Variants in HDAC4 observed in about 807,000 individuals in gnomAD.
HDAC4 encodes the protein histone deacetylase A.
In HDAC4, 16 loss-of-function variants were observed where a neutral mutation model predicts 135.1. The observed-to-expected ratio is 0.12, with a 90% CI of 0.08 to 0.18. The LOEUF is 0.18. Among genes scored for constraint, HDAC4 ranks in the 10% least tolerant of loss-of-function variants. The probability of loss-of-function intolerance (pLI) is 1.00; values close to 1 mark genes in which losing one functional copy is unlikely to be tolerated. For synonymous variants in HDAC4, 685 were observed against 653.4 expected, an observed-to-expected ratio of 1.05 and a Z score of -0.74; for missense variants, 1,143 against 1,511.8, an observed-to-expected ratio of 0.76 and a Z score of 4.05.
intron 7 of HDAC4, among the ~76,000 whole-genome samples, chr2:239,150,256 C>CAGATACACACACAGAAACAT (rs1042273071): frequency 6.6e-6 from 1 of 151,850 alleles, no homozygotes; most frequent in Non-Finnish European, 1.5e-5. Flanking sequence ...CACAGACATA[C>CAGATACACACACAGAAACAT]AGATACACAC....
In HDAC4 at chr2:239,052,863, CGCCGGCGTCTGTCCCGTGTT is replaced by C. The variant is rs1188028572; in HGVS notation, c.*214_*233del. 1.7e-6 allele frequency: 1 copy of C among 580,152 alleles called. No homozygotes were observed. Among genetic ancestry groups the C allele is most frequent in the African/African-American group, 1.9e-5 (1 of 53,478 alleles). The allele number at this position is 580,152 out of a possible 1,614,324, so 35.9% of individuals were successfully genotyped here. ...TCCGCGTGTCCGTGTGTCTGCGCGT[CGCCGGCGTCTGTCCCGTGTT>C]CCCTGTGAGGCTGCCACGCCCAGGC... On this transcript the variant is annotated 3_prime_UTR_variant, in exon 27 of 27. Coordinates refer to ENST00000543185, the MANE Select transcript of HDAC4 (RefSeq NM_001378414.1).
chr2:239,116,140 T>A (rs1476134733), intron 12 of HDAC4, among the ~76,000 whole-genome samples: 1 of 152,164 alleles, frequency 6.6e-6, no homozygotes, highest in Non-Finnish European at 1.5e-5. Context: ...TGCTCCTCCG[T>A]CTTGGTTTGT....
intron 2 of HDAC4, among the ~76,000 whole-genome samples, chr2:239,302,613 C>T (rs2052335377): frequency 6.6e-6 from 1 of 152,244 alleles, no homozygotes; most frequent in Admixed American, 6.5e-5. Flanking sequence ...GCAGCCCAGC[C>T]ATCCAGTGAC....
At chr2:239,089,725 GA>G (rs1243553576) in intron 18 of HDAC4, 4 of 424,200 alleles carry the variant, frequency 9.4e-6, no homozygotes, top group African/African-American at 8.3e-5. Context: ...AAGCTCTTTG[GA>G]GCTTTTTTTT....
At chr2:239,076,578 G>A (rs922357753) in intron 22 of HDAC4, among the ~76,000 whole-genome samples, 1 of 152,188 alleles carries the variant, frequency 6.6e-6, no homozygotes, top group African/African-American at 2.4e-5. Context: ...GGGCCAAGAG[G>A]CTGCAGTCCT....
intron 16 of HDAC4, among the ~76,000 whole-genome samples, chr2:239,097,950 G>T (rs2037266376): frequency 6.6e-6 from 1 of 152,194 alleles, no homozygotes; most frequent in South Asian, 2.1e-4. Context: ...AGAAACTAGG[G>T]AGCTCGTTTT....
intron 2 of HDAC4, among the ~76,000 whole-genome samples, chr2:239,252,768 CAG>C (rs1272060978): frequency 6.6e-6 from 1 of 152,216 alleles, no homozygotes; most frequent in Non-Finnish European, 1.5e-5. Flanking sequence ...GCTCTAAGAA[CAG>C]AGTTATCCAA....
At chr2:239,290,241 T>G (rs917774529) in intron 2 of HDAC4, among the ~76,000 whole-genome samples, 2 of 152,214 alleles carry the variant, frequency 1.3e-5, no homozygotes, top group African/African-American at 4.8e-5. Flanking sequence ...ACTTTACTCT[T>G]ACCTAGTTCC....
chr2:239,176,294 CCTCCCTCTGCCCGGCCTTCTGCGCCCG>C, intron 5 of HDAC4, 92 bp downstream of exon 5: 6 of 1,252,780 alleles, frequency 4.8e-6, no homozygotes, highest in South Asian at 1.3e-5. Flanking sequence ...GCCCGGCCTC[CCTCCCTCTGCCCGGCCTTCTGCGCCCG>C]CACTCCCTCC....
chr2:239,083,506 T>G (rs2035559165), intron 20 of HDAC4, among the ~76,000 whole-genome samples: 1 of 152,234 alleles, frequency 6.6e-6, no homozygotes, highest in African/African-American at 2.4e-5. Context: ...CCTGCTTTTT[T>G]CCCTTAAAAA....
At chr2:239,344,298 T>G (rs956040141) in intron 2 of HDAC4, among the ~76,000 whole-genome samples, 18 of 152,192 alleles carry the variant, frequency 1.2e-4, no homozygotes, top group African/African-American at 3.6e-4. Flanking sequence ...AGTTCATTCT[T>G]AAATTTCAAT....
chr2:239,278,783 G>T (rs749598480), intron 2 of HDAC4, among the ~76,000 whole-genome samples: 23 of 152,200 alleles, frequency 1.5e-4, no homozygotes, highest in Non-Finnish European at 3.1e-4. Context: ...TTCAGGAAAC[G>T]GCTTTCCTGC....
chr2:239,199,835 G>A (rs1031843870), intron 3 of HDAC4, among the ~76,000 whole-genome samples: 2 of 151,770 alleles, frequency 1.3e-5, no homozygotes, highest in East Asian at 1.9e-4. Flanking sequence ...CCGGGCTCAC[G>A]CCATTCTCCT....
intron 16 of HDAC4, among the ~76,000 whole-genome samples, chr2:239,101,155 T>C (rs1200944002): frequency 3.3e-5 from 5 of 152,100 alleles, no homozygotes; most frequent in African/African-American, 9.7e-5. Context: ...CCTACTGCTG[T>C]TCACTCCCTT....
intron 7 of HDAC4, among the ~76,000 whole-genome samples, chr2:239,153,663 G>C (rs1420771353): frequency 6.6e-6 from 1 of 152,148 alleles, no homozygotes; most frequent in Non-Finnish European, 1.5e-5. Context: ...AGTTCTTCTG[G>C]AGCACTATGT....
intron 3 of HDAC4, among the ~76,000 whole-genome samples, chr2:239,201,368 C>A (rs1268186953): frequency 1.3e-5 from 2 of 152,176 alleles, no homozygotes; most frequent in African/African-American, 4.8e-5. Flanking sequence ...ACCCAAGCAT[C>A]CCTGAGGCCT....
intron 2 of HDAC4, among the ~76,000 whole-genome samples, chr2:239,342,481 A>G (rs914610679): frequency 6.6e-5 from 10 of 152,240 alleles, no homozygotes; most frequent in African/African-American, 2.4e-4. Flanking sequence ...TGGAACAAAA[A>G]TAAGTACATT....
intron 21 of HDAC4, 89 bp from the exon 22 acceptor site, chr2:239,081,281 G>T: frequency 1.8e-6 from 2 of 1,125,466 alleles, no homozygotes; most frequent in Non-Finnish European, 2.6e-6. Flanking sequence ...ACCGGGATGG[G>T]CTCGGCCTTG....
intron 2 of HDAC4, among the ~76,000 whole-genome samples, chr2:239,279,758 C>T (rs1046931256): frequency 6.6e-6 from 1 of 152,190 alleles, no homozygotes; most frequent in Admixed American, 6.5e-5. Flanking sequence ...GGGATGGGGG[C>T]GACTGAGTGA....
Sources: gnomAD v4.1 joint callset for allele counts (sites outside exome capture counted in the v4.1 genomes callset) on GRCh38, gnomAD v4.1.1 for gene constraint, MANE v1.5 for transcripts, NCBI Gene and HGNC (gene_info 2026-07-23, HGNC 2026-07-21) for gene names.